Variants in TSEN15 observed in about 807,000 individuals in gnomAD.
TSEN15 encodes the protein tRNA-splicing endonuclease subunit Sen15.
TSEN15 carries 10 observed loss-of-function variants against 20.5 expected under a neutral mutation model. That is an observed-to-expected ratio of 0.49 (90% CI 0.30 to 0.83). The LOEUF is 0.83. TSEN15 is among the 40% of genes least tolerant of loss of function. TSEN15 has a pLI of 0.06. For missense variants in TSEN15, 180 were observed against 218.6 expected, an observed-to-expected ratio of 0.82 and a Z score of 1.11; for synonymous variants, 72 against 80.1, an observed-to-expected ratio of 0.90 and a Z score of 0.54.
Position 184,054,828 on chromosome 1 carries a change from G to A in TSEN15, c.318G>A (p.Val106=). 6.2e-7 allele frequency: 1 copy of A among 1,611,516 alleles called. No individual in the cohort carries two copies. Among genetic ancestry groups the A allele is most frequent in the East Asian group, 2.2e-5 (1 of 44,864 alleles). The change falls in exon 3 of 5, where the codon GTG becomes GTA. Residue 106 remains valine (V), a synonymous_variant. Transcript: ENST00000645668. ...AAGGGGAGGGGTTACAGACTGTGGTGCCTACCCCCATCACTGCTTCCCTCA... is the reference window on the plus strand; with the variant it reads ...AAGGGGAGGGGTTACAGACTGTGGTACCTACCCCCATCACTGCTTCCCTCA... The part of the protein sequence containing the change: ...EIEGEGLQTV[V]PTPITASLSH...
intron 3 of TSEN15, among the ~76,000 whole-genome samples, chr1:184,061,839 G>T (rs1650467284): frequency 6.6e-6 from 1 of 152,032 alleles, no homozygotes; most frequent in Non-Finnish European, 1.5e-5. Flanking sequence ...ATACTTTCTG[G>T]CAAGAGTGTC....
downstream of TSEN15, among the ~76,000 whole-genome samples, chr1:184,077,264 T>C (rs1651081220): frequency 6.6e-6 from 1 of 152,152 alleles, no homozygotes; most frequent in Non-Finnish European, 1.5e-5. Context: ...ACTCTACTTA[T>C]ACTCTATAAG....
chr1:184,067,943 T>TA (rs1650740993), intron 3 of TSEN15, among the ~76,000 whole-genome samples: 1 of 65,162 alleles, frequency 1.5e-5, no homozygotes, highest in African/African-American at 6.2e-5. Flanking sequence ...AAAAAAAAAA[T>TA]ATATATATAT....
intron 3 of TSEN15, among the ~76,000 whole-genome samples, chr1:184,056,638 TAA>T (rs893918735): frequency 6.6e-6 from 1 of 152,206 alleles, no homozygotes; most frequent in Non-Finnish European, 1.5e-5. Context: ...ATATTTTCAC[TAA>T]GAGTTCTATT....
chr1:184,074,651 A>G (rs767388831), downstream of TSEN15, among the ~76,000 whole-genome samples: 18 of 152,204 alleles, frequency 1.2e-4, no homozygotes, highest in Non-Finnish European at 1.8e-4. Context: ...GATTGGAAGC[A>G]GGTCATAGGT....
At chr1:184,063,602 G>A (rs968165516) in intron 3 of TSEN15, among the ~76,000 whole-genome samples, 2 of 151,936 alleles carry the variant, frequency 1.3e-5, no homozygotes, top group African/African-American at 4.8e-5. Context: ...CATTGAATCC[G>A]ATGAATTTTA....
chr1:184,066,447 A>G (rs1025544462), intron 3 of TSEN15, among the ~76,000 whole-genome samples: 7 of 151,564 alleles, frequency 4.6e-5, no homozygotes, highest in Non-Finnish European at 8.8e-5. Context: ...CTGTTGCCCA[A>G]GTTGGAGTGG....
chr1:184,062,135 T>C (rs1268153429), intron 3 of TSEN15, among the ~76,000 whole-genome samples: 1 of 152,056 alleles, frequency 6.6e-6, no homozygotes, highest in Non-Finnish European at 1.5e-5. Flanking sequence ...GCTGATGGAG[T>C]ATGAAGTAAT....
chr1:184,082,267 G>A (rs1377500241), intron 3 of TSEN15, among the ~76,000 whole-genome samples: 1 of 152,146 alleles, frequency 6.6e-6, no homozygotes, highest in Non-Finnish European at 1.5e-5. Flanking sequence ...TGCAGTGCCT[G>A]AGGTCCATCT....
downstream of TSEN15, among the ~76,000 whole-genome samples, chr1:184,075,021 C>A (rs753596628): frequency 6.6e-6 from 1 of 152,010 alleles, no homozygotes; most frequent in Admixed American, 6.6e-5. Context: ...ATTTTGAGGT[C>A]TTTCATTATA....
intron 4 of TSEN15, 173 bp from the exon 5 acceptor site, chr1:184,072,654 A>G (rs1650928612): frequency 4.6e-6 from 3 of 654,474 alleles, no homozygotes; most frequent in Admixed American, 6.8e-5. Flanking sequence ...AGAAATGTTA[A>G]ATTGGTTGAC....
intron 3 of TSEN15, among the ~76,000 whole-genome samples, chr1:184,057,979 A>G (rs529466957): frequency 2.2e-4 from 33 of 152,090 alleles, no homozygotes; most frequent in Non-Finnish European, 4.4e-5. Context: ...TGTAACAAAT[A>G]TTGTCCTAGC....
chr1:184,058,354 G>A lies in TSEN15; in HGVS notation c.353+3491G>A, dbSNP rs139281016. The A allele has an allele frequency of 7.0e-3, 1,457 of 208,360 alleles. 17 individuals are homozygous for A. The highest frequency in any genetic ancestry group is 0.027 in the African/African-American group (1,133 of 42,406). The allele number at this position is 208,360 out of a possible 1,614,324, so 12.9% of individuals were successfully genotyped here. ...ATACAGTAGAATACTAATATAGAAT[G>A]TAGCACAAATGAGGCCTGATACATA... On this transcript the variant is annotated intron_variant, in intron 3 of 4. Transcript: ENST00000645668.
chr1:184,062,564 G>A (rs1650505421), intron 3 of TSEN15, among the ~76,000 whole-genome samples: 1 of 152,016 alleles, frequency 6.6e-6, no homozygotes, highest in Non-Finnish European at 1.5e-5. Flanking sequence ...TATTTATTGA[G>A]TACCCTAAAT....
intron 3 of TSEN15, chr1:184,094,041 T>C (rs1651404139): frequency 6.6e-6 from 1 of 152,180 alleles, no homozygotes; most frequent in African/African-American, 2.4e-5. Flanking sequence ...ACTCATCTGG[T>C]TTCCAGAGAT....
chr1:184,053,572 C>T (rs186563572), intron 1 of TSEN15, among the ~76,000 whole-genome samples: 27 of 152,306 alleles, frequency 1.8e-4, no homozygotes, highest in African/African-American at 6.5e-4. Flanking sequence ...TGTCCCCATG[C>T]AGGTCTGCTA....
intron 1 of TSEN15, among the ~76,000 whole-genome samples, chr1:184,053,633 C>A (rs1650132991): frequency 6.6e-6 from 1 of 152,228 alleles, no homozygotes; most frequent in Non-Finnish European, 1.5e-5. Context: ...GCTGGCATAG[C>A]TGGGCAGCCT....
chr1:184,083,177 C>T (rs1476446820), intron 3 of TSEN15, among the ~76,000 whole-genome samples: 1 of 152,136 alleles, frequency 6.6e-6, no homozygotes, highest in African/African-American at 2.4e-5. Context: ...CCACCCCATC[C>T]AATTCCTGCC....
At chr1:184,079,143 A>G (rs1307954743), downstream of TSEN15, among the ~76,000 whole-genome samples, 1 of 152,116 alleles carries the variant, frequency 6.6e-6, no homozygotes, top group Non-Finnish European at 1.5e-5. Flanking sequence ...TGATCTTTGG[A>G]TAAGAACTGC....
Sources: allele counts gnomAD v4.1 joint callset (sites outside exome capture counted in the v4.1 genomes callset), GRCh38; gene constraint gnomAD v4.1.1; transcripts MANE v1.5; gene names NCBI Gene and HGNC (gene_info 2026-07-23, HGNC 2026-07-21).